Variants in VWDE observed in about 807,000 individuals in gnomAD.
The protein encoded by VWDE is von Willebrand factor D and EGF domains.
A neutral mutation model predicts 178.4 loss-of-function variants in VWDE; 207 were observed. That is an observed-to-expected ratio of 1.16 (90% confidence interval 1.04 to 1.30). The LOEUF (loss-of-function observed/expected upper bound fraction) is 1.30. VWDE is among the 50% of genes most tolerant of loss of function. The pLI is 0.00. For synonymous variants in VWDE, 738 were observed against 651.4 expected (o/e 1.13, Z -2.02); for missense variants, 2,287 against 1,901.3 (o/e 1.20, Z -3.77).
intron 1 of VWDE, among the ~76,000 whole-genome samples, chr7:12,401,161 G>A (rs561428358): frequency 6.6e-6 from 1 of 152,084 alleles, no homozygotes; most frequent in African/African-American, 2.4e-5. Context: ...AGACAAGTAT[G>A]TCTACTCTCA....
chr7:12,393,273 C>T (rs1481064274), intron 2 of VWDE, among the ~76,000 whole-genome samples: 2 of 152,246 alleles, frequency 1.3e-5, no homozygotes, highest in East Asian at 3.9e-4. Flanking sequence ...TGACCTGCTA[C>T]CTGTGACTGT....
At chr7:12,393,482 A>G in intron 2 of VWDE, 112 bp downstream of exon 2, 2 of 964,758 alleles carry the variant, frequency 2.1e-6, no homozygotes, top group Non-Finnish European at 1.5e-6. Flanking sequence ...AACTCAATAC[A>G]AAATTAAAAC....
intron 2 of VWDE, among the ~76,000 whole-genome samples, chr7:12,392,320 G>A (rs1784423003): frequency 6.6e-6 from 1 of 152,194 alleles, no homozygotes. Context: ...TTACCATTTT[G>A]ATCATATAAC....
chr7:12,367,244 A>G (rs1562490745), intron 13 of VWDE, 113 bp downstream of exon 13: 1 of 778,760 alleles, frequency 1.3e-6, no homozygotes, highest in Non-Finnish European at 1.8e-6. Flanking sequence ...AGCTCTCTAG[A>G]TATAATATCG....
intron 4 of VWDE, 77 bp from the exon 5 acceptor site, chr7:12,380,810 C>T: frequency 6.8e-7 from 1 of 1,475,282 alleles, no homozygotes; most frequent in South Asian, 1.3e-5. Flanking sequence ...CACTCAAAGA[C>T]TATAACTCTG....
chr7:12,339,753 T>C (rs1781227296), intron 24 of VWDE, among the ~76,000 whole-genome samples: 1 of 152,148 alleles, frequency 6.6e-6, no homozygotes, highest in Non-Finnish European at 1.5e-5. Context: ...TTGGTTGACA[T>C]TAATTCATAC....
rs956551990 is a variant in VWDE at position 12,333,627 on chromosome 7, T to A, written c.4655-59A>T. On this transcript the variant is annotated intron_variant, in intron 27 of 28. Transcript: ENST00000275358. ...TTGACATGAAATGCTTGTGGCATAT[T>A]CTATCCTAGTGGTCTGGGGCTATCT... 1.1e-5 allele frequency: 13 copies of A among 1,177,030 alleles called. No homozygotes were observed. The Admixed American group carries it at 2.2e-4, about 20-fold the overall frequency. 72.9% of individuals were successfully genotyped at this position (1,177,030 alleles called of 1,614,324 possible). A position where few individuals can be genotyped will look rare whatever the true frequency, so the allele number is the denominator to read the frequency against.
At chr7:12,359,141 G>T (rs1782433831) in intron 16 of VWDE, among the ~76,000 whole-genome samples, 1 of 152,068 alleles carries the variant, frequency 6.6e-6, no homozygotes, top group Non-Finnish European at 1.5e-5. Flanking sequence ...ATAATTTGGG[G>T]TATTGTTTGA....
chr7:12,352,623 G>A (rs2128550435), intron 18 of VWDE, among the ~76,000 whole-genome samples: 1 of 152,292 alleles, frequency 6.6e-6, no homozygotes, highest in South Asian at 2.1e-4. Flanking sequence ...GTGAATATTA[G>A]GGATGGGATA....
At chr7:12,344,008 T>G (rs1241233342) in intron 21 of VWDE, among the ~76,000 whole-genome samples, 187 bp downstream of exon 21, 2 of 152,112 alleles carry the variant, frequency 1.3e-5, no homozygotes, top group Non-Finnish European at 2.9e-5. Context: ...TTTCAGAAAT[T>G]TAATTCTTTA....
rs143603627 is a variant in VWDE at position 12,387,069 on chromosome 7, A to G, written c.475+2058T>C. Among the ~76,000 whole-genome samples the G allele has an allele frequency of 7.1e-3, 1,085 of 152,308 alleles. 13 individuals are homozygous for G. Among genetic ancestry groups the G allele is most frequent in the African/African-American group, 0.024 (1,000 of 41,560 alleles). On this transcript the variant is annotated intron_variant, in intron 3 of 28. Transcript: ENST00000275358. ...GCCTTATTTCTTTTTTAAAGATAGA[A>G]CTACTGCCTTGCAGTTAATGATAAA...
At chr7:12,352,473 G>T (rs1422493419) in intron 18 of VWDE, among the ~76,000 whole-genome samples, 9 of 152,140 alleles carry the variant, frequency 5.9e-5, no homozygotes, top group African/African-American at 1.7e-4. Flanking sequence ...ACAATGTTAA[G>T]AAACATATTT....
At chr7:12,342,682 T>G (rs889525934) in intron 22 of VWDE, among the ~76,000 whole-genome samples, 33 of 150,672 alleles carry the variant, frequency 2.2e-4, no homozygotes, top group Admixed American at 6.0e-4. Context: ...TTATTATGAT[T>G]ATTATTATTA....
intron 24 of VWDE, among the ~76,000 whole-genome samples, chr7:12,338,368 T>A (rs73292377): frequency 6.6e-6 from 1 of 151,788 alleles, no homozygotes; most frequent in African/African-American, 2.4e-5. Flanking sequence ...CTCCCTATCC[T>A]TCATACAATT....
chr7:12,357,278 C>T lies in VWDE; in HGVS notation c.3512G>A (p.Arg1171Lys). 6.4e-7 allele frequency: 1 copy of T among 1,552,182 alleles called. No individual in the cohort carries two copies. The highest frequency in any genetic ancestry group is 8.7e-7 in the Non-Finnish European group (1 of 1,147,038). ...TATAAAGATTACCTCAATCGTGACT[C>T]TAGTTTCAGCATCGCAGTCATCATT... is the stretch of plus-strand genomic sequence containing the variant. ...RLNDDCDAET[R>K]VTIEVTVKSC... Residue 1171 changes from arginine (R) to lysine (K), a missense_variant, in exon 17 of 29, where the codon AGA (arginine) becomes AAA (lysine). Arg to Lys is a conservative substitution (Grantham distance 26, BLOSUM62 2). Coordinates refer to ENST00000275358, the MANE Select transcript of VWDE (RefSeq NM_001135924.3).
intron 3 of VWDE, among the ~76,000 whole-genome samples, chr7:12,386,308 C>A (rs1550390): frequency 0.48 from 72,498 of 151,974 alleles, 17,773 homozygotes; most frequent in African/African-American, 0.59. Flanking sequence ...CTAATGAATG[C>A]CACTAGCTAT....
Position 12,403,749 on chromosome 7 carries a change from C to T in VWDE, c.-33G>A, listed in dbSNP as rs973270025. The T allele has an allele frequency of 1.3e-6, 2 of 1,549,346 alleles. No individual in the cohort carries two copies. The highest frequency in any genetic ancestry group is 2.4e-5 in the East Asian group (1 of 40,870). ...TCCGCAGGTGGGGCGAAAGGCGTCG[C>T]AGAGCCCGGGCCGCGGGTGCCAGGA... On this transcript the variant is annotated 5_prime_UTR_variant, in exon 1 of 29. Transcript: ENST00000275358.
intron 23 of VWDE, 84 bp downstream of exon 23, chr7:12,341,973 TTA>T: frequency 9.2e-7 from 1 of 1,083,834 alleles, no homozygotes; most frequent in Non-Finnish European, 1.4e-6. Context: ...CAGGTCAGTT[TTA>T]TGTTTCTTAG....
At position 12,377,879 on chromosome 7, in the gene VWDE, TTC is replaced by T. The variant is rs1783628818; in HGVS notation, c.919_920del (p.Glu307IlefsTer15). 6.6e-7 allele frequency: 1 copy of T among 1,522,404 alleles called. No homozygotes were observed. 94.3% of individuals were successfully genotyped at this position (1,522,404 alleles called of 1,614,324 possible). A position where few individuals can be genotyped will look rare whatever the true frequency, so the allele number is the denominator to read the frequency against. On this transcript the variant is annotated frameshift_variant, in exon 7 of 29. Coordinates refer to ENST00000275358, the MANE Select transcript of VWDE (RefSeq NM_001135924.3). LOFTEE classifies it high-confidence loss of function. Reference protein sequence around the residue: ...ELSTISEDGKEYYLRIESTVP... With the variant: ...ELSTISEDGKXYYLRIESTVP... ...CTGTGCTTTCTATCCTCAGGTAGTA[TTC>T]TTTCCCATCCTCTGATATAGTGCTC... is the stretch of plus-strand genomic sequence containing the variant.
Sources: gnomAD v4.1 joint callset for allele counts (sites outside exome capture counted in the v4.1 genomes callset) on GRCh38, gnomAD v4.1.1 for gene constraint, MANE v1.5 for transcripts, NCBI Gene and HGNC (gene_info 2026-07-23, HGNC 2026-07-21) for gene names.